The following CYP2F1 variants were observed in gnomAD, a reference collection of about 807,000 sequenced individuals.
CYP2F1 encodes cytochrome P450 2F1.
Under a neutral mutation model 40.4 loss-of-function variants are expected in CYP2F1, and 33 were observed. That is an observed-to-expected ratio of 0.82 (90% CI 0.62 to 1.09). The LOEUF is 1.09. Ranked by LOEUF, CYP2F1 falls within the 50% of genes least tolerant of loss-of-function variation. CYP2F1 has a pLI of 0.00. For synonymous variants in CYP2F1, 235 were observed against 277.2 expected, an observed-to-expected ratio of 0.85 and a Z score of 1.51; for missense variants, 566 against 655.7, an observed-to-expected ratio of 0.86 and a Z score of 1.49.
rs1251651140 is a variant in CYP2F1, at chr19:41,124,259, T to C, written c.965-460T>C. ...TTTTTTCCTCTTCCCCCCCCCCTTT[T>C]TTTTTTTTTTTTTTTTTTTTTTGAG... On this transcript the variant is annotated intron_variant, in intron 7 of 9. Transcript: ENST00000331105. Among the ~76,000 whole-genome samples, 132 of 85,924 alleles carry C rather than the reference T, an allele frequency of 1.5e-3. 5 individuals are homozygous for C. The East Asian group carries it at 0.023, about 15-fold the overall frequency. The allele number at this position is 85,924 out of a possible 152,430, so 56.4% of individuals were successfully genotyped here.
intron 1 of CYP2F1, among the ~76,000 whole-genome samples, chr19:41,114,766 C>T (rs1170752332): frequency 6.8e-6 from 1 of 146,754 alleles, no homozygotes; most frequent in Non-Finnish European, 1.5e-5. Flanking sequence ...CTGTCTCCGT[C>T]TCTTTCTCTC....
chr19:41,124,558 C>G (rs1382159601), intron 7 of CYP2F1, among the ~76,000 whole-genome samples, 161 bp from the exon 8 acceptor site: 2 of 152,282 alleles, frequency 1.3e-5, no homozygotes, highest in East Asian at 3.9e-4. Context: ...CCACCGCGCC[C>G]GGCCAGCTCT....
At chr19:41,124,255 C>CCCACTTT (rs1568381420) in intron 7 of CYP2F1, among the ~76,000 whole-genome samples, 4 of 35,250 alleles carry the variant, frequency 1.1e-4, no homozygotes, top group African/African-American at 4.9e-4. Context: ...TCCCCCCCCC[C>CCCACTTT]TTTTTTTTTT....
At chr19:41,117,079 T>A (rs978237315) in intron 3 of CYP2F1, among the ~76,000 whole-genome samples, 1 of 151,096 alleles carries the variant, frequency 6.6e-6, no homozygotes, top group African/African-American at 2.4e-5. Context: ...CCCATCCCAG[T>A]CCCCACTTTA....
chr19:41,116,316 T>G lies in CYP2F1; in HGVS notation c.128T>G (p.Leu43Arg). Reference sequence around the variant, plus strand: ...AGACCCCTCTCAATCCTGGGAAACCTGCTGCTGCTTTGCTCCCAAGACATG... The same window carrying G: ...AGACCCCTCTCAATCCTGGGAAACCGGCTGCTGCTTTGCTCCCAAGACATG... Reference protein sequence around the residue: ...GPRPLSILGNLLLLCSQDMLT... With the variant: ...GPRPLSILGNRLLLCSQDMLT... Residue 43 changes from leucine (L) to arginine (R), a missense_variant, in exon 2 of 10, where the codon CTG (leucine) becomes CGG (arginine). Coordinates refer to ENST00000331105, the MANE Select transcript of CYP2F1 (RefSeq NM_000774.5). 6.2e-7 allele frequency: 1 copy of G among 1,613,966 alleles called. No homozygotes were observed. The highest frequency in any genetic ancestry group is 8.5e-7 in the Non-Finnish European group (1 of 1,179,858).
At position 41,122,884 on chromosome 19, in the gene CYP2F1, G is replaced by T. The variant is rs139430706; in HGVS notation, c.885G>T (p.Leu295=). Residue 295 remains leucine (L), a synonymous_variant, in exon 7 of 10, where the codon CTG becomes CTT. Transcript: ENST00000331105. ...CCCTGCTGATGACCACACATAACCT[G>T]CTCTTTGGCGGCACCAAGACGGTGA... is the stretch of plus-strand genomic sequence containing the variant. ...MDTLLMTTHN[L]LFGGTKTVST... is the part of the protein sequence containing the mutation. 45 of 1,597,618 alleles carry T rather than the reference G, an allele frequency of 2.8e-5. No individual in the cohort carries two copies. The African/African-American group carries it at 5.7e-4, about 20-fold the overall frequency.
At chr19:41,119,240 G>T (rs552745700) in intron 3 of CYP2F1, among the ~76,000 whole-genome samples, 1 of 152,282 alleles carries the variant, frequency 6.6e-6, no homozygotes, top group South Asian at 2.1e-4. Flanking sequence ...AAGAGACGGG[G>T]TCTGTTTTGT....
intron 2 of CYP2F1, 40 bp downstream of exon 2, chr19:41,116,399 G>A: frequency 6.2e-7 from 1 of 1,610,198 alleles, no homozygotes; most frequent in Non-Finnish European, 8.5e-7. Context: ...GAAGGATAAG[G>A]AGGAGGGGTC....
At chr19:41,118,554 C>T (rs1271153970) in intron 3 of CYP2F1, among the ~76,000 whole-genome samples, 1 of 152,210 alleles carries the variant, frequency 6.6e-6, no homozygotes, top group East Asian at 1.9e-4. Context: ...ATCTGATGAC[C>T]TTACCTGTCC....
At chr19:41,124,026 CT>C (rs2032382713) in intron 7 of CYP2F1, among the ~76,000 whole-genome samples, 2 of 152,086 alleles carry the variant, frequency 1.3e-5, no homozygotes, top group African/African-American at 4.8e-5. Flanking sequence ...TGCTCTGCCC[CT>C]GATCTCCAGC....
chr19:41,121,027 GT>G (rs1215548338), intron 4 of CYP2F1, among the ~76,000 whole-genome samples: 23 of 152,004 alleles, frequency 1.5e-4, no homozygotes, highest in African/African-American at 5.6e-4. Flanking sequence ...ATGTGTTGGT[GT>G]GTGGTTACCG....
chr19:41,121,035 A>G (rs2032166021), intron 4 of CYP2F1, among the ~76,000 whole-genome samples: 1 of 151,672 alleles, frequency 6.6e-6, no homozygotes, highest in Non-Finnish European at 1.5e-5. Context: ...GTGTGTGGTT[A>G]CCGTGTCTTG....
chr19:41,121,305 T>C (rs2032184659), intron 4 of CYP2F1, among the ~76,000 whole-genome samples, 153 bp from the exon 5 acceptor site: 1 of 150,244 alleles, frequency 6.7e-6, no homozygotes. Context: ...GGGGTGTCGT[T>C]AAGCAGCATG....
At chr19:41,126,209 T>C (rs114360757) in intron 9 of CYP2F1, among the ~76,000 whole-genome samples, 1 of 152,070 alleles carries the variant, frequency 6.6e-6, no homozygotes, top group African/African-American at 2.4e-5. Context: ...GCAGATTACC[T>C]GAAGTCAGGA....
At chr19:41,126,795 A>C (rs1453413530) in intron 9 of CYP2F1, among the ~76,000 whole-genome samples, 1 of 151,984 alleles carries the variant, frequency 6.6e-6, no homozygotes, top group Admixed American at 6.6e-5. Flanking sequence ...AAAATATATA[A>C]AAATTTTAAA....
chr19:41,127,936 A>T lies in CYP2F1; in HGVS notation c.1330A>T (p.Met444Leu), dbSNP rs146029724. Reference protein sequence around the residue: ...RLCLGESLARMELFLYLTAIL... With the variant: ...RLCLGESLARLELFLYLTAIL... ...GTGCCTGGGAGAGTCGCTGGCGCGCATGGAGCTCTTTCTGTACCTCACCGC... is the reference window on the plus strand; with the variant it reads ...GTGCCTGGGAGAGTCGCTGGCGCGCTTGGAGCTCTTTCTGTACCTCACCGC... Residue 444 changes from methionine (M) to leucine (L), a missense_variant, in exon 10 of 10, where the codon ATG becomes TTG. By Grantham distance (15) the Met-to-Leu change is conservative. Around this residue, in one of 5 missense-constraint regions of CYP2F1, gnomAD observed 85 missense variants for 84.9 expected, o/e 1.00. Coordinates refer to ENST00000331105, the MANE Select transcript of CYP2F1 (RefSeq NM_000774.5). 1 of 1,612,428 alleles carries T rather than the reference A, an allele frequency of 6.2e-7. No individual in the cohort carries two copies. Among genetic ancestry groups the T allele is most frequent in the Non-Finnish European group, 8.5e-7 (1 of 1,179,814 alleles).
chr19:41,124,616 C>G, intron 7 of CYP2F1, 103 bp from the exon 8 acceptor site: 1 of 1,117,040 alleles, frequency 9.0e-7, no homozygotes, highest in Non-Finnish European at 1.3e-6. Flanking sequence ...CGCTGGGAGA[C>G]TTTGACTAGA....
In CYP2F1 at chr19:41,124,705, C is replaced by T; in HGVS notation, c.965-14C>T. ...CGCTGATACCCTCGACCCCGCTTCC[C>T]GCTTCCTCTCCAGCCCGCGTGCAGG... is the stretch of plus-strand genomic sequence containing the variant. On this transcript the variant is annotated splice_polypyrimidine_tract_variant and intron_variant, in intron 7 of 9. Transcript: ENST00000331105. 3.8e-6 allele frequency: 6 copies of T among 1,596,762 alleles called. No homozygotes were observed. The highest frequency in any genetic ancestry group is 1.7e-5 in the Admixed American group (1 of 59,620).
At chr19:41,124,341 G>A (rs576822489) in intron 7 of CYP2F1, among the ~76,000 whole-genome samples, 1 of 127,608 alleles carries the variant, frequency 7.8e-6, no homozygotes, top group Admixed American at 1.0e-4. Flanking sequence ...CCAGCTCACT[G>A]CAACCTCCTC....
Sources: gnomAD v4.1 joint callset for allele counts (sites outside exome capture counted in the v4.1 genomes callset) on GRCh38, gnomAD v4.1.1 for gene constraint, gnomAD v4.1.1 regional missense constraint, MANE v1.5 for transcripts, NCBI Gene and HGNC (gene_info 2026-07-23, HGNC 2026-07-21) for gene names.